KCNMA1: variants seen among roughly 807,000 people sequenced by gnomAD.
The protein encoded by KCNMA1 is potassium calcium-activated channel subfamily M alpha 1.
A neutral mutation model predicts 140.0 loss-of-function variants in KCNMA1; 29 were observed. That is an observed-to-expected ratio of 0.21 (90% CI 0.15 to 0.28). KCNMA1 has a LOEUF of 0.28. KCNMA1 is among the 10% of genes least tolerant of loss of function. The probability of loss-of-function intolerance (pLI) is 1.00; values close to 1 mark genes in which losing one functional copy is unlikely to be tolerated. For synonymous variants in KCNMA1, 612 were observed against 611.9 expected, an observed-to-expected ratio of 1.00 and a Z score of 0.00; for missense variants, 880 against 1,602.2, an observed-to-expected ratio of 0.55 and a Z score of 7.70.
At chr10:77,570,481 T>A (rs11002206) in intron 1 of KCNMA1, among the ~76,000 whole-genome samples, 29 of 141,050 alleles carry the variant, frequency 2.1e-4, no homozygotes, top group South Asian at 9.5e-4. Context: ...GTAAACTATC[T>A]CAAGAACAAA....
At chr10:77,026,300 A>C (rs993612755) in intron 16 of KCNMA1, among the ~76,000 whole-genome samples, 1 of 152,230 alleles carries the variant, frequency 6.6e-6, no homozygotes, top group Non-Finnish European at 1.5e-5. Context: ...ATGCAGCATC[A>C]GCATCACCCA....
intron 2 of KCNMA1, among the ~76,000 whole-genome samples, chr10:77,307,723 A>G (rs898260546): frequency 6.6e-6 from 1 of 151,740 alleles, no homozygotes; most frequent in African/African-American, 2.4e-5. Context: ...ATTTTTTTGT[A>G]TTTTTTTAGT....
intron 1 of KCNMA1, among the ~76,000 whole-genome samples, chr10:77,572,997 C>T (rs780507488): frequency 6.6e-5 from 10 of 152,056 alleles, no homozygotes; most frequent in African/African-American, 1.2e-4. Flanking sequence ...TAAACTGCCT[C>T]GCAGTTCAGG....
At chr10:77,089,575 A>G (rs1369502457) in intron 10 of KCNMA1, among the ~76,000 whole-genome samples, 2 of 152,202 alleles carry the variant, frequency 1.3e-5, no homozygotes, top group African/African-American at 4.8e-5. Context: ...AAAACATACA[A>G]GATAAGACCT....
At chr10:77,120,871 A>G (rs1023350175) in intron 6 of KCNMA1, 102 bp downstream of exon 6, 10 of 731,214 alleles carry the variant, frequency 1.4e-5, no homozygotes, top group Non-Finnish European at 2.2e-5. Context: ...TGTGAATAAT[A>G]TAACTATTAA....
At chr10:77,395,907 T>A (rs2096032609) in intron 2 of KCNMA1, among the ~76,000 whole-genome samples, 1 of 152,192 alleles carries the variant, frequency 6.6e-6, no homozygotes, top group African/African-American at 2.4e-5. Context: ...AAATAACAAA[T>A]CTAGTGCAAA....
intron 23 of KCNMA1, among the ~76,000 whole-genome samples, chr10:76,934,019 C>G (rs565648783): frequency 7.9e-5 from 12 of 152,076 alleles, no homozygotes; most frequent in Non-Finnish European, 1.6e-4. Context: ...GTTACCCAGG[C>G]TGGAGGGCAA....
intron 3 of KCNMA1, among the ~76,000 whole-genome samples, chr10:77,208,545 T>TGATA (rs10638683): frequency 0.32 from 48,914 of 151,774 alleles, 8,283 homozygotes; most frequent in Non-Finnish European, 0.35. Flanking sequence ...TGAAAGCCCA[T>TGATA]GAACAGCAAA....
chr10:77,128,449 A>G (rs1290893455), intron 5 of KCNMA1, among the ~76,000 whole-genome samples: 3 of 132,030 alleles, frequency 2.3e-5, no homozygotes, highest in East Asian at 4.4e-4. Context: ...CTTTTGGGGC[A>G]CTGGTTCTGG....
At chr10:77,105,010 A>G (rs531771402) in intron 9 of KCNMA1, among the ~76,000 whole-genome samples, 1 of 152,322 alleles carries the variant, frequency 6.6e-6, no homozygotes, top group Non-Finnish European at 1.5e-5. Context: ...TCAGCCCAAG[A>G]GCCCAGAGAG....
intron 1 of KCNMA1, among the ~76,000 whole-genome samples, chr10:77,586,856 C>T (rs1020155443): frequency 6.6e-6 from 1 of 152,192 alleles, no homozygotes; most frequent in Non-Finnish European, 1.5e-5. Flanking sequence ...ACTCCTAGCT[C>T]TATTTTTACC....
chr10:77,101,118 T>C (rs1455743821), intron 9 of KCNMA1, among the ~76,000 whole-genome samples: 1 of 152,144 alleles, frequency 6.6e-6, no homozygotes, highest in Non-Finnish European at 1.5e-5. Context: ...GGACTGAAGA[T>C]ATGGCTTAGA....
intron 18 of KCNMA1, among the ~76,000 whole-genome samples, chr10:77,011,675 T>C (rs1387910020): frequency 6.6e-6 from 1 of 152,176 alleles, no homozygotes; most frequent in Non-Finnish European, 1.5e-5. Context: ...TTATACATCA[T>C]ACTTGTCTCT....
intron 1 of KCNMA1, among the ~76,000 whole-genome samples, chr10:77,444,652 G>A (rs1431606747): frequency 6.6e-6 from 1 of 152,090 alleles, no homozygotes; most frequent in African/African-American, 2.4e-5. Context: ...GCTGTCCTCA[G>A]GGTGGTTATC....
intron 2 of KCNMA1, among the ~76,000 whole-genome samples, chr10:77,361,271 G>A (rs1018820776): frequency 3.9e-5 from 6 of 152,058 alleles, no homozygotes; most frequent in Non-Finnish European, 7.4e-5. Flanking sequence ...TCATCATTGG[G>A]GCAGACAAAT....
intron 1 of KCNMA1, among the ~76,000 whole-genome samples, chr10:77,535,970 A>T (rs999923043): frequency 6.6e-6 from 1 of 152,244 alleles, no homozygotes; most frequent in African/African-American, 2.4e-5. Context: ...TCTAGTGTTC[A>T]GTAGCACAAC....
chr10:77,486,338 A>G (rs1276045070), intron 1 of KCNMA1, among the ~76,000 whole-genome samples: 1 of 152,092 alleles, frequency 6.6e-6, no homozygotes, highest in Non-Finnish European at 1.5e-5. Flanking sequence ...TTTGATTCCA[A>G]ATCTGGTGCT....
Position 77,250,992 on chromosome 10 carries a change from T to C in KCNMA1, c.602+203A>G, listed in dbSNP as rs552081750. The C allele has an allele frequency of 2.1e-4, 128 of 604,706 alleles. No individual in the cohort carries two copies. The African/African-American group carries it at 2.2e-3, about 10-fold the overall frequency. 37.5% of individuals were successfully genotyped at this position (604,706 alleles called of 1,614,324 possible). ...TGACCTCATATACCTCACCCTCCTA[T>C]GCCAGCAGACTCAAAATAGCCTTCC... is the stretch of plus-strand genomic sequence containing the variant. On this transcript the variant is annotated intron_variant, in intron 3 of 27. Transcript: ENST00000286628.
At chr10:77,634,184 G>C (rs2093498510) in intron 1 of KCNMA1, 1 of 985,380 alleles carries the variant, frequency 1.0e-6, no homozygotes, top group Non-Finnish European at 1.2e-6. Flanking sequence ...TGACAGGATT[G>C]AACTTCACAA....
Sources: allele counts gnomAD v4.1 joint callset (sites outside exome capture counted in the v4.1 genomes callset), GRCh38; gene constraint gnomAD v4.1.1; transcripts MANE v1.5; gene names NCBI Gene and HGNC (gene_info 2026-07-23, HGNC 2026-07-21).